Variants in LCA5L observed in about 807,000 individuals in gnomAD.
LCA5L encodes the protein lebercilin-like protein.
In LCA5L, 35 loss-of-function variants were observed where a neutral mutation model predicts 45.4. The ratio of observed to expected loss-of-function variants is 0.77; its 90% confidence interval spans 0.59 to 1.02. The LOEUF is 1.02. Ranked by LOEUF, LCA5L falls within the 50% of genes least tolerant of loss-of-function variation. The probability of loss-of-function intolerance (pLI) is 0.00; values close to 1 mark genes in which losing one functional copy is unlikely to be tolerated. For missense variants in LCA5L, 668 were observed against 761.6 expected, an observed-to-expected ratio of 0.88 and a Z score of 1.45; for synonymous variants, 233 against 264.7, an observed-to-expected ratio of 0.88 and a Z score of 1.16.
rs778988968 is a variant in LCA5L, at chr21:39,406,340, T to G, written c.1555A>C (p.Arg519=). ...GTAPYTKGPL[R]QRRHYSFTEA... ...GTGAATGAGTAATGTCTTCTTTGTC[T>G]GAGGGGGCCTTTCGTGTAGGGAGCA... The change falls in exon 11 of 11, where the codon AGA becomes CGA. Residue 519 remains arginine, a synonymous_variant. Coordinates refer to ENST00000288350, the MANE Select transcript of LCA5L (RefSeq NM_152505.4). 4 of 1,614,162 alleles carry G rather than the reference T, an allele frequency of 2.5e-6. No homozygotes were observed. The highest frequency in any genetic ancestry group is 3.4e-6 in the Non-Finnish European group (4 of 1,180,002).
At chr21:39,418,701 T>TG (rs1231725335) in intron 7 of LCA5L, among the ~76,000 whole-genome samples, 1 of 151,936 alleles carries the variant, frequency 6.6e-6, no homozygotes, top group East Asian at 2.0e-4. Context: ...GGTTTTGCCA[T>TG]GTTGGTCAGG....
chr21:39,412,080 G>A (rs1227708495), intron 7 of LCA5L, among the ~76,000 whole-genome samples: 1 of 152,156 alleles, frequency 6.6e-6, no homozygotes, highest in Non-Finnish European at 1.5e-5. Context: ...GGGCCTTGAA[G>A]TTTATGAAAT....
At chr21:39,444,970 G>T (rs917522938) in intron 1 of LCA5L, among the ~76,000 whole-genome samples, 1 of 152,120 alleles carries the variant, frequency 6.6e-6, no homozygotes, top group African/African-American at 2.4e-5. Context: ...TCAGGGGAGG[G>T]GCGAGGGCTG....
intron 5 of LCA5L, among the ~76,000 whole-genome samples, chr21:39,423,870 A>G (rs911108169): frequency 1.3e-5 from 2 of 152,160 alleles, no homozygotes; most frequent in Admixed American, 6.5e-5. Flanking sequence ...AGCTGTGATA[A>G]TAGGCCAGGT....
chr21:39,431,874 C>T (rs1265921729), intron 3 of LCA5L, among the ~76,000 whole-genome samples: 1 of 152,116 alleles, frequency 6.6e-6, no homozygotes, highest in Non-Finnish European at 1.5e-5. Flanking sequence ...TTCTAAAACA[C>T]ATAGTATAAG....
intron 3 of LCA5L, among the ~76,000 whole-genome samples, chr21:39,432,234 C>T (rs1226901697): frequency 6.6e-6 from 1 of 152,060 alleles, no homozygotes; most frequent in South Asian, 2.1e-4. Context: ...TAGGTAAAAT[C>T]GGCTTTTAGG....
At chr21:39,427,933 G>A (rs543864278) in intron 5 of LCA5L, 1 of 306,634 alleles carries the variant, frequency 3.3e-6, no homozygotes, top group South Asian at 6.2e-5. Context: ...CTCACTAGTA[G>A]GCTCCAGTAG....
At position 39,415,336 on chromosome 21, in the gene LCA5L, AT is replaced by A. The variant is rs140778077; in HGVS notation, c.976-3535del. Among the ~76,000 whole-genome samples, 31 of 152,254 alleles carry A rather than the reference AT, an allele frequency of 2.0e-4. 2 individuals carry two copies. The East Asian group carries it at 6.0e-3, about 29-fold the overall frequency. On this transcript the variant is annotated intron_variant, in intron 7 of 10. Coordinates refer to ENST00000288350, the MANE Select transcript of LCA5L (RefSeq NM_152505.4). ...GCATAAAATATGTAATTTCAAAAGCATTTTTCCCTTTGAAACTTTATTATAC... is the reference window on the plus strand; with the variant it reads ...GCATAAAATATGTAATTTCAAAAGCATTTTCCCTTTGAAACTTTATTATAC...
At chr21:39,434,501 A>G (rs1601940691) in intron 3 of LCA5L, among the ~76,000 whole-genome samples, 1 of 152,176 alleles carries the variant, frequency 6.6e-6, no homozygotes, top group Non-Finnish European at 1.5e-5. Flanking sequence ...TGAAAAATCC[A>G]GGCCTTAAAC....
chr21:39,428,656 A>G (rs1005600753), intron 4 of LCA5L, 153 bp from the exon 5 acceptor site: 1 of 114,476 alleles, frequency 8.7e-6, no homozygotes, highest in African/African-American at 3.5e-5. Flanking sequence ...TCTGTTGCCT[A>G]GGTTGGAGTG....
At chr21:39,406,750 A>G (rs2039127497) in intron 10 of LCA5L, 138 bp from the exon 11 acceptor site, 1 of 650,196 alleles carries the variant, frequency 1.5e-6, no homozygotes, top group Non-Finnish European at 2.6e-6. Context: ...ATAGATGCAT[A>G]GACAAAAGAT....
intron 2 of LCA5L, among the ~76,000 whole-genome samples, chr21:39,440,568 G>A (rs1045586456): frequency 1.3e-5 from 2 of 152,132 alleles, no homozygotes; most frequent in African/African-American, 4.8e-5. Context: ...GATTTACCAC[G>A]TCAGAGTATC....
At chr21:39,415,720 A>C (rs1247495177) in intron 7 of LCA5L, among the ~76,000 whole-genome samples, 1 of 152,208 alleles carries the variant, frequency 6.6e-6, no homozygotes, top group African/African-American at 2.4e-5. Flanking sequence ...CGACTGATTA[A>C]TATATCTCTT....
At chr21:39,418,253 G>C (rs914443898) in intron 7 of LCA5L, among the ~76,000 whole-genome samples, 1 of 152,114 alleles carries the variant, frequency 6.6e-6, no homozygotes, top group Non-Finnish European at 1.5e-5. Flanking sequence ...CCATATCAAG[G>C]ATATTACAGT....
intron 8 of LCA5L, among the ~76,000 whole-genome samples, 196 bp downstream of exon 8, chr21:39,411,522 G>A (rs2040084664): frequency 6.6e-6 from 1 of 152,146 alleles, no homozygotes. Context: ...GCTGAGGATG[G>A]GAGAACGGGA....
intron 2 of LCA5L, chr21:39,439,881 T>A (rs1207798144): frequency 2.0e-5 from 3 of 152,084 alleles, no homozygotes; most frequent in Non-Finnish European, 4.4e-5. Context: ...ACTGAGGACA[T>A]AAGTAAATAT....
At chr21:39,413,023 G>A (rs2040382490) in intron 7 of LCA5L, among the ~76,000 whole-genome samples, 1 of 152,322 alleles carries the variant, frequency 6.6e-6, no homozygotes, top group East Asian at 1.9e-4. Flanking sequence ...GATGGAGGAT[G>A]CATCTCAGAG....
chr21:39,430,948 T>C (rs979457181), intron 3 of LCA5L, among the ~76,000 whole-genome samples: 2 of 152,218 alleles, frequency 1.3e-5, no homozygotes, highest in African/African-American at 4.8e-5. Context: ...TGAACTTCAA[T>C]TGTCCCATGT....
intron 4 of LCA5L, among the ~76,000 whole-genome samples, chr21:39,428,780 CTTA>C (rs1355548497): frequency 2.0e-5 from 3 of 149,966 alleles, no homozygotes; most frequent in South Asian, 2.1e-4. Flanking sequence ...ACCTGGCTAA[CTTA>C]TTATTTTTTG....
Sources: gnomAD v4.1 joint callset for allele counts (sites outside exome capture counted in the v4.1 genomes callset) on GRCh38, gnomAD v4.1.1 for gene constraint, MANE v1.5 for transcripts, NCBI Gene and HGNC (gene_info 2026-07-23, HGNC 2026-07-21) for gene names.